LINGO2: variants seen among roughly 807,000 people sequenced by gnomAD.
The protein encoded by LINGO2 is leucine rich repeat and Ig domain containing 2.
Under a neutral mutation model 30.6 loss-of-function variants are expected in LINGO2, and 14 were observed. That is an observed-to-expected ratio of 0.46 (90% CI 0.30 to 0.72). The LOEUF is 0.72. LINGO2 is among the 30% of genes least tolerant of loss of function. The pLI, the probability that LINGO2 is intolerant of heterozygous loss-of-function variation, is 0.07. For missense variants in LINGO2, 729 were observed against 751.7 expected (o/e 0.97, Z 0.35); for synonymous variants, 317 against 288.5 (o/e 1.10, Z -1.00).
intron 4 of LINGO2, among the ~76,000 whole-genome samples, chr9:28,117,781 C>T (rs141586006): frequency 0.029 from 4,320 of 150,180 alleles, 113 homozygotes; most frequent in Admixed American, 0.079. Context: ...GCGGACGGTG[C>T]GCACACACAC....
At chr9:28,368,697 C>T (rs1820776833) in intron 3 of LINGO2, among the ~76,000 whole-genome samples, 1 of 151,476 alleles carries the variant, frequency 6.6e-6, no homozygotes, top group South Asian at 2.1e-4. Context: ...CCCGAGTTCA[C>T]ACCATTCTCC....
intron 4 of LINGO2, among the ~76,000 whole-genome samples, chr9:28,142,888 A>G (rs1266226836): frequency 1.3e-5 from 2 of 152,228 alleles, no homozygotes; most frequent in African/African-American, 2.4e-5. Context: ...TATACTGACT[A>G]GATAACTTAA....
In LINGO2 at chr9:28,305,204, C is replaced by A. The variant is rs571598760; in HGVS notation, c.-245-9838G>T. ...ATTCCTCATAAAAACTTTAAACAAA[C>A]TGGGACTAGAAAGAAATTTCTTCAA... On this transcript the variant is annotated intron_variant, in intron 3 of 5. Coordinates refer to ENST00000379992, the Ensembl canonical transcript of LINGO2. Among the ~76,000 whole-genome samples the A allele has an allele frequency of 5.3e-5, 8 of 152,100 alleles. No individual in the cohort carries two copies. The South Asian group carries it at 1.4e-3, about 28-fold the overall frequency.
the LINGO2 span, chr9:27,938,604 G>A: frequency 6.6e-6 from 1 of 152,156 alleles, no homozygotes; most frequent in African/African-American, 2.4e-5. Context: ...ATTAAAGCAG[G>A]TAGGTCCTTA....
intron 2 of LINGO2, among the ~76,000 whole-genome samples, chr9:28,463,708 G>C (rs547464564): frequency 6.6e-6 from 1 of 151,890 alleles, no homozygotes; most frequent in Non-Finnish European, 1.5e-5. Flanking sequence ...GAAGGGGAGA[G>C]AGCCAAGATG....
At chr9:29,183,684 T>C in the LINGO2 span, among the ~76,000 whole-genome samples, 5 of 152,076 alleles carry the variant, frequency 3.3e-5, no homozygotes, top group South Asian at 2.1e-4. Context: ...AATAAATTAT[T>C]TTTCCCTTGA....
chr9:28,164,778 G>A (rs1828381604), intron 4 of LINGO2, among the ~76,000 whole-genome samples: 1 of 152,128 alleles, frequency 6.6e-6, no homozygotes, highest in South Asian at 2.1e-4. Flanking sequence ...TGTCTTCCCG[G>A]TTGGTTCCAG....
chr9:28,684,359 TTG>T, the LINGO2 span, among the ~76,000 whole-genome samples: 1 of 150,932 alleles, frequency 6.6e-6, no homozygotes, highest in Non-Finnish European at 1.5e-5. Context: ...GGCTAATTTT[TTG>T]TGTTTTTTAG....
chr9:28,310,881 AC>A (rs1824588048), intron 3 of LINGO2, among the ~76,000 whole-genome samples: 1 of 152,192 alleles, frequency 6.6e-6, no homozygotes, highest in Non-Finnish European at 1.5e-5. Flanking sequence ...TTTTTTGAGC[AC>A]AGAAACTCAC....
chr9:28,662,969 C>T (rs1010807111), intron 1 of LINGO2, among the ~76,000 whole-genome samples: 1 of 152,078 alleles, frequency 6.6e-6, no homozygotes, highest in African/African-American at 2.4e-5. Context: ...AAGTTTCACA[C>T]ATCAAGGGTA....
chr9:28,110,459 A>C (rs1315393774), intron 4 of LINGO2, among the ~76,000 whole-genome samples: 13 of 152,350 alleles, frequency 8.5e-5, no homozygotes, highest in Middle Eastern at 6.8e-3. Context: ...TGAACAGGCA[A>C]CCTACAGAAT....
the LINGO2 span, among the ~76,000 whole-genome samples, chr9:28,841,433 T>C: frequency 4.0e-5 from 6 of 151,874 alleles, no homozygotes; most frequent in Non-Finnish European, 8.8e-5. Context: ...TGCTCATCCA[T>C]TCATTCTACA....
intron 5 of LINGO2, among the ~76,000 whole-genome samples, chr9:28,005,879 C>A (rs1822241770): frequency 6.6e-6 from 1 of 151,936 alleles, no homozygotes; most frequent in Admixed American, 6.6e-5. Context: ...AGATAGTCAA[C>A]CTGGCCCAGT....
In LINGO2 at chr9:27,961,435, G is replaced by A. The variant is rs372715828; in HGVS notation, c.-35-10729C>T. Among the ~76,000 whole-genome samples, 246 of 152,248 alleles carry A rather than the reference G, an allele frequency of 1.6e-3. 2 individuals carry two copies. Among genetic ancestry groups the A allele is most frequent in the African/African-American group, 5.6e-3 (234 of 41,550 alleles). On this transcript the variant is annotated intron_variant, in intron 5 of 5. Coordinates refer to ENST00000379992, the Ensembl canonical transcript of LINGO2. ...GGTACAGACATAGCGAATAGTGTTTGCAAAGGCATGGAGACAGTAAGAAAC... is the reference window on the plus strand; with the variant it reads ...GGTACAGACATAGCGAATAGTGTTTACAAAGGCATGGAGACAGTAAGAAAC...
chr9:28,892,498 C>T, the LINGO2 span, among the ~76,000 whole-genome samples: 135,596 of 151,918 alleles, frequency 0.89, 60,831 homozygotes, highest in Non-Finnish European at 0.94. Context: ...TAGCCACATA[C>T]TTTTACTAAT....
the LINGO2 span, among the ~76,000 whole-genome samples, chr9:29,141,314 G>C: frequency 6.6e-6 from 1 of 151,928 alleles, no homozygotes; most frequent in African/African-American, 2.4e-5. Flanking sequence ...AGAAGTGATT[G>C]TATGTGATTG....
chr9:28,049,699 A>T (rs1460465922), intron 4 of LINGO2, among the ~76,000 whole-genome samples: 1 of 150,750 alleles, frequency 6.6e-6, no homozygotes, highest in African/African-American at 2.5e-5. Flanking sequence ...AGGAGGCATT[A>T]TAATGCCTGA....
At chr9:28,578,522 GAAAT>G (rs1455725719) in intron 1 of LINGO2, among the ~76,000 whole-genome samples, 2 of 152,076 alleles carry the variant, frequency 1.3e-5, no homozygotes, top group Admixed American at 1.3e-4. Flanking sequence ...TTATTAATCA[GAAAT>G]AAGACGTCTC....
At chr9:28,582,724 A>ATTT (rs1471937984) in intron 1 of LINGO2, among the ~76,000 whole-genome samples, 1 of 152,096 alleles carries the variant, frequency 6.6e-6, no homozygotes, top group Admixed American at 6.6e-5. Flanking sequence ...ACTAGGGAAG[A>ATTT]TTTTGCCTTA....
Sources: allele counts gnomAD v4.1 joint callset (sites outside exome capture counted in the v4.1 genomes callset), GRCh38; gene constraint gnomAD v4.1.1; transcripts MANE v1.5; gene names NCBI Gene and HGNC (gene_info 2026-07-23, HGNC 2026-07-21).